The following KCNIP1 variants were observed in gnomAD, a reference collection of about 807,000 sequenced individuals.
The protein encoded by KCNIP1 is potassium voltage-gated channel interacting protein 1, also known as A-type potassium channel modulatory protein KCNIP1.
Under a neutral mutation model 33.0 loss-of-function variants are expected in KCNIP1, and 18 were observed. The ratio of observed to expected loss-of-function variants is 0.55; its 90% CI spans 0.38 to 0.81. KCNIP1 has a LOEUF of 0.81. Among genes scored for constraint, KCNIP1 ranks in the 30% least tolerant of loss-of-function variants. The pLI, the probability that KCNIP1 is intolerant of heterozygous loss-of-function variation, is 0.00. For missense variants in KCNIP1, 238 were observed against 271.6 expected (o/e 0.88, Z 0.87); for synonymous variants, 93 against 98.3 (o/e 0.95, Z 0.32).
intron 1 of KCNIP1, among the ~76,000 whole-genome samples, chr5:170,457,847 T>A (rs909573447): frequency 1.3e-5 from 2 of 151,776 alleles, no homozygotes; most frequent in Non-Finnish European, 2.9e-5. Flanking sequence ...CAAGAAGAAA[T>A]CCCTGTTTCA....
chr5:170,383,233 G>A lies in KCNIP1; in HGVS notation c.88+29269G>A, dbSNP rs1056109063. 5.2e-5 allele frequency: 15 copies of A among 289,656 alleles called. No homozygotes were observed. The East Asian group carries it at 5.6e-4, about 11-fold the overall frequency. 17.9% of individuals were successfully genotyped at this position (289,656 alleles called of 1,614,324 possible). A position where few individuals can be genotyped will look rare whatever the true frequency, so the allele number is the denominator to read the frequency against. On this transcript the variant is annotated intron_variant, in intron 1 of 7. Transcript: ENST00000377360. ...GTCCCTGGTTTCCTGGGGAGTCACC[G>A]GGATTCCACTTTGAGGATCTGGCCC...
intron 1 of KCNIP1, among the ~76,000 whole-genome samples, chr5:170,717,127 T>G (rs1763667687): frequency 6.6e-6 from 1 of 152,178 alleles, no homozygotes; most frequent in African/African-American, 2.4e-5. Flanking sequence ...TAAAAATGCT[T>G]TTAGATCTAA....
At chr5:170,708,429 T>C (rs184376013) in intron 1 of KCNIP1, among the ~76,000 whole-genome samples, 2 of 152,374 alleles carry the variant, frequency 1.3e-5, no homozygotes, top group Non-Finnish European at 2.9e-5. Context: ...TGTGTTTCTA[T>C]GCACACAGTC....
intron 1 of KCNIP1, among the ~76,000 whole-genome samples, chr5:170,637,313 T>C (rs1434617034): frequency 1.3e-5 from 2 of 151,604 alleles, no homozygotes; most frequent in Non-Finnish European, 2.9e-5. Flanking sequence ...AAGTGGCCAC[T>C]CCATCCAAAT....
intron 1 of KCNIP1, among the ~76,000 whole-genome samples, chr5:170,429,593 A>G (rs1345221467): frequency 6.6e-6 from 1 of 151,886 alleles, no homozygotes; most frequent in African/African-American, 2.4e-5. Flanking sequence ...CCATCAACTA[A>G]TTTCTCATCA....
chr5:170,626,577 A>G (rs1234400644), intron 1 of KCNIP1, among the ~76,000 whole-genome samples: 19 of 150,084 alleles, frequency 1.3e-4, no homozygotes. Flanking sequence ...ATTATGCTGG[A>G]CCAGGGGCAG....
At chr5:170,366,088 C>A (rs558905897) in intron 1 of KCNIP1, among the ~76,000 whole-genome samples, 1 of 152,318 alleles carries the variant, frequency 6.6e-6, no homozygotes, top group South Asian at 2.1e-4. Context: ...CTTTCCTTTC[C>A]CTACCCGGGA....
At chr5:170,667,267 G>A (rs561123066) in intron 1 of KCNIP1, among the ~76,000 whole-genome samples, 136 of 150,848 alleles carry the variant, frequency 9.0e-4, no homozygotes, top group East Asian at 3.7e-3. Context: ...AGCCAAGATC[G>A]TGCCATTGCA....
chr5:170,681,678 C>T (rs1038415879), intron 1 of KCNIP1, among the ~76,000 whole-genome samples: 4 of 152,220 alleles, frequency 2.6e-5, no homozygotes, highest in African/African-American at 9.6e-5. Flanking sequence ...TTTCTTTGCT[C>T]AACCCTTATA....
intron 1 of KCNIP1, among the ~76,000 whole-genome samples, chr5:170,648,963 C>T (rs1760901481): frequency 6.6e-6 from 1 of 152,146 alleles, no homozygotes; most frequent in Non-Finnish European, 1.5e-5. Context: ...CAGTGAGCTG[C>T]AACTTCATAA....
At chr5:170,616,305 C>G (rs890098849) in intron 1 of KCNIP1, among the ~76,000 whole-genome samples, 7 of 45,706 alleles carry the variant, frequency 1.5e-4, no homozygotes, top group African/African-American at 6.1e-4. Context: ...TTCTGAGCAC[C>G]TACCCTGGGC....
intron 1 of KCNIP1, among the ~76,000 whole-genome samples, chr5:170,674,602 T>C (rs1762059633): frequency 6.6e-6 from 1 of 152,162 alleles, no homozygotes; most frequent in African/African-American, 2.4e-5. Flanking sequence ...TGATGGAGAA[T>C]GAAGAATGGG....
chr5:170,439,606 T>G (rs1755942858), intron 1 of KCNIP1, among the ~76,000 whole-genome samples: 1 of 152,188 alleles, frequency 6.6e-6, no homozygotes, highest in Admixed American at 6.5e-5. Flanking sequence ...GTGGGGCTCA[T>G]CTACGCAAGC....
chr5:170,374,360 T>A (rs1156480382), intron 1 of KCNIP1, among the ~76,000 whole-genome samples: 2 of 152,102 alleles, frequency 1.3e-5, no homozygotes, highest in Non-Finnish European at 2.9e-5. Context: ...AATAGATACA[T>A]CATAAAAGTG....
intron 1 of KCNIP1, among the ~76,000 whole-genome samples, chr5:170,554,175 G>T (rs1756759945): frequency 6.6e-6 from 1 of 151,902 alleles, no homozygotes; most frequent in Non-Finnish European, 1.5e-5. Flanking sequence ...GTATCCCAAA[G>T]AAAATATTAT....
intron 1 of KCNIP1, among the ~76,000 whole-genome samples, chr5:170,474,039 T>C (rs1401341847): frequency 1.3e-5 from 2 of 152,200 alleles, no homozygotes; most frequent in East Asian, 1.9e-4. Flanking sequence ...AAATCTACTT[T>C]GGCATTTTTC....
At chr5:170,652,777 T>G (rs913061921) in intron 1 of KCNIP1, among the ~76,000 whole-genome samples, 6 of 152,218 alleles carry the variant, frequency 3.9e-5, no homozygotes, top group African/African-American at 1.4e-4. Context: ...CATATACTTG[T>G]GCCTTTATAT....
intron 1 of KCNIP1, among the ~76,000 whole-genome samples, chr5:170,609,253 A>G (rs1326110855): frequency 6.6e-6 from 1 of 152,048 alleles, no homozygotes; most frequent in Non-Finnish European, 1.5e-5. Flanking sequence ...TCCTGAGGCT[A>G]TTTATTTATT....
Position 170,579,027 on chromosome 5 carries a change from A to G in KCNIP1, c.61+74394A>G, listed in dbSNP as rs1321309048. On this transcript the variant is annotated intron_variant, in intron 1 of 7. Coordinates refer to ENST00000328939, the MANE Select transcript of KCNIP1 (RefSeq NM_014592.4). Reference sequence around the variant, plus strand: ...GCAGGAGTAAGTGTATCAGTCAGCAATTGTCACTGTAATGCTGTGTAACAA... The same window carrying G: ...GCAGGAGTAAGTGTATCAGTCAGCAGTTGTCACTGTAATGCTGTGTAACAA... Among the ~76,000 whole-genome samples the G allele has an allele frequency of 3.3e-5, 5 of 152,162 alleles. No individual in the cohort carries two copies. The South Asian group carries it at 6.2e-4, about 19-fold the overall frequency.
Sources: gnomAD v4.1 joint callset for allele counts (sites outside exome capture counted in the v4.1 genomes callset) on GRCh38, gnomAD v4.1.1 for gene constraint, MANE v1.5 for transcripts, NCBI Gene and HGNC (gene_info 2026-07-23, HGNC 2026-07-21) for gene names.